OR5I1: variants seen among roughly 807,000 people sequenced by gnomAD.
OR5I1 encodes the protein olfactory receptor 5I1.
For synonymous variants in OR5I1, 163 were observed against 145.5 expected (o/e 1.12, Z -0.87); for missense variants, 425 against 367.6 (o/e 1.16, Z -1.28).
At position 55,935,774 on chromosome 11, in the gene OR5I1, T is replaced by A; in HGVS notation, c.627A>T (p.Glu209Asp). The A allele has an allele frequency of 6.2e-7, 1 of 1,610,224 alleles. No individual in the cohort carries two copies. Among genetic ancestry groups the A allele is most frequent in the East Asian group, 2.2e-5 (1 of 44,550 alleles). ...TGATGATGATGATAAAACAAATGAT[T>A]TCCACTGAGCTGCCGTATGTGGAGA... is the stretch of plus-strand genomic sequence containing the variant. Reference protein sequence around the residue: ...WLLSTYGSSVEIICFIIIIIS... With the variant: ...WLLSTYGSSVDIICFIIIIIS... The change falls in exon 1 of 1, where the codon GAA (glutamate) becomes GAT (aspartate). Residue 209 changes from glutamate to aspartate, a missense_variant. By Grantham distance (45) the Glu-to-Asp change is conservative (BLOSUM62 2). Coordinates refer to ENST00000301532, the MANE Select transcript of OR5I1 (RefSeq NM_006637.1).
rs139670768 is a variant in OR5I1 at position 55,936,112 on chromosome 11, A to G, written c.289T>C (p.Tyr97His). The part of the protein sequence containing the change: ...FLSENKSISY[Y>H]GCALQFYFFC... The stretch of plus-strand genomic sequence containing the variant: ...AAATAAAACTGCAGGGCACACCCAT[A>G]ATAGGAAATAGATTTGTTCTCCGAG... The change falls in exon 1 of 1, where the codon TAT (tyrosine) becomes CAT (histidine). Residue 97 changes from tyrosine to histidine, a missense_variant. Physicochemically the swap from Tyr to His is moderately conservative, Grantham distance 83. Coordinates refer to ENST00000301532, the MANE Select transcript of OR5I1 (RefSeq NM_006637.1). The G allele has an allele frequency of 6.2e-7, 1 of 1,612,106 alleles. No individual in the cohort carries two copies. The highest frequency in any genetic ancestry group is 1.7e-5 in the Admixed American group (1 of 59,732).
chr11:55,935,907 G>T lies in OR5I1; in HGVS notation c.494C>A (p.Ala165Asp), dbSNP rs144496641. 3.2e-5 allele frequency: 52 copies of T among 1,611,832 alleles called. 1 individual carries two copies. In the African/African-American group the frequency reaches 6.0e-4, roughly 19 times the overall value. Residue 165 changes from alanine (A) to aspartate (D), a missense_variant, in exon 1 of 1, where the codon GCC becomes GAC. Ala to Asp is a moderately radical substitution (Grantham distance 126, BLOSUM62 -2). Transcript: ENST00000301532. ...TTTGTCACAATATTTCAGAATAAAG[G>T]CAAAGGATGTGTGAACCAGGGAACT... is the stretch of plus-strand genomic sequence containing the variant. ...NMSSLVHTSF[A>D]FILKYCDKNV...
In OR5I1 at chr11:55,935,554, A is replaced by C. The variant is rs1018599722; in HGVS notation, c.847T>G (p.Phe283Val). ...ATCAACGGATTCAGCACTGGAATGAAAATGGTGTAGAACACTGAGATAATT... is the reference window on the plus strand; with the variant it reads ...ATCAACGGATTCAGCACTGGAATGACAATGGTGTAGAACACTGAGATAATT... Reference protein sequence around the residue: ...DKIISVFYTIFIPVLNPLIYS... With the variant: ...DKIISVFYTIVIPVLNPLIYS... Residue 283 changes from phenylalanine to valine, a missense_variant, in exon 1 of 1, where the codon TTC (phenylalanine) becomes GTC (valine). Physicochemically the swap from Phe to Val is conservative, Grantham distance 50. Transcript: ENST00000301532. 1.2e-6 allele frequency: 2 copies of C among 1,611,200 alleles called. No individual in the cohort carries two copies. Among genetic ancestry groups the C allele is most frequent in the Admixed American group, 3.4e-5 (2 of 59,670 alleles).
rs764291333 is a variant in OR5I1 at position 55,935,817 on chromosome 11, G to T, written c.584C>A (p.Thr195Lys). ...PLLKLSCTDT[T>K]INEWLLSTYG... ...TGTGGAGAGGAGCCACTCATTAATT[G>T]TTGTGTCAGTGCAGGATAGTTTAAG... is the stretch of plus-strand genomic sequence containing the variant. Residue 195 changes from threonine (T) to lysine (K), a missense_variant, in exon 1 of 1, where the codon ACA becomes AAA. Physicochemically the swap from Thr to Lys is moderately conservative, Grantham distance 78. Coordinates refer to ENST00000301532, the MANE Select transcript of OR5I1 (RefSeq NM_006637.1). The T allele has an allele frequency of 6.2e-7, 1 of 1,611,910 alleles. No homozygotes were observed. The highest frequency in any genetic ancestry group is 1.1e-5 in the South Asian group (1 of 91,014).
chr11:55,935,610 G>A lies in OR5I1; in HGVS notation c.791C>T (p.Pro264Leu). Residue 264 changes from proline to leucine, a missense_variant, in exon 1 of 1, where the codon CCC becomes CTC. Pro to Leu is a moderately conservative substitution (Grantham distance 98, BLOSUM62 -3). Transcript: ENST00000301532. Reference protein sequence around the residue: ...QGTLLFIYSRPSYLYSPNTDK... With the variant: ...QGTLLFIYSRLSYLYSPNTDK... The stretch of plus-strand genomic sequence containing the variant: ...AGTGTTTGGAGAATACAGGTAGCTG[G>A]GCCGTGAGTAAATAAAGAGGAGAGT... The A allele has an allele frequency of 1.2e-6, 2 of 1,611,514 alleles. No homozygotes were observed. Among genetic ancestry groups the A allele is most frequent in the Non-Finnish European group, 1.7e-6 (2 of 1,178,710 alleles).
Position 55,935,634 on chromosome 11 carries a change from G to C in OR5I1, c.767C>G (p.Thr256Ser). 3 of 1,611,518 alleles carry C rather than the reference G, an allele frequency of 1.9e-6. No homozygotes were observed. The highest frequency in any genetic ancestry group is 2.7e-5 in the African/African-American group (2 of 74,786). ...HLTSVTIYQGTLLFIYSRPSY... is the reference protein window; with the variant it reads ...HLTSVTIYQGSLLFIYSRPSY... ...GGGCCGTGAGTAAATAAAGAGGAGA[G>C]TCCCTTGGTAGATCGTCACTGAAGT... Residue 256 changes from threonine to serine, a missense_variant, in exon 1 of 1, where the codon ACT becomes AGT. By Grantham distance (58) the Thr-to-Ser change is moderately conservative (BLOSUM62 1). Transcript: ENST00000301532.
In OR5I1 at chr11:55,935,534, CG is replaced by C; in HGVS notation, c.866del (p.Pro289ArgfsTer2). 6.2e-7 allele frequency: 1 copy of C among 1,609,872 alleles called. No individual in the cohort carries two copies. Among genetic ancestry groups the C allele is most frequent in the East Asian group, 2.2e-5 (1 of 44,802 alleles). ...CTTTATTTCTCAAACTATAAATCAA[CG>C]GATTCAGCACTGGAATGAAAATGGT... The part of the protein sequence containing the change: ...FYTIFIPVLN[P>X]LIYSLRNKDV... On this transcript the variant is annotated frameshift_variant, in exon 1 of 1. Coordinates refer to ENST00000301532, the MANE Select transcript of OR5I1 (RefSeq NM_006637.1). LOFTEE classifies it low-confidence loss of function (END_TRUNC).
chr11:55,936,328 G>C lies in OR5I1; in HGVS notation c.73C>G (p.Leu25Val), dbSNP rs1590658762. 6.2e-7 allele frequency: 1 copy of C among 1,609,976 alleles called. No homozygotes were observed. Among genetic ancestry groups the C allele is most frequent in the South Asian group, 1.1e-5 (1 of 90,628 alleles). The change falls in exon 1 of 1, where the codon CTG (leucine) becomes GTG (valine). Residue 25 changes from leucine to valine, a missense_variant. By Grantham distance (32) the Leu-to-Val change is conservative. Transcript: ENST00000301532. ...ILLGFPTRPE[L>V]QIVLFLMFLT... ...AACATGAGGAACAGGACAATCTGCA[G>C]TTCAGGGCGAGTTGGAAAACCTAAT...
In OR5I1 at chr11:55,936,225, G is replaced by A. The variant is rs377001945; in HGVS notation, c.176C>T (p.Thr59Ile). Residue 59 changes from threonine (T) to isoleucine (I), a missense_variant, in exon 1 of 1, where the codon ACC (threonine) becomes ATC (isoleucine). Physicochemically the swap from Thr to Ile is moderately conservative, Grantham distance 89. Transcript: ENST00000301532. ...LLIRIDPHLQ[T>I]PMYFFLSNLS... is the part of the protein sequence containing the mutation. ...GTTGCTAAGGAAAAAATACATGGGG[G>A]TTTGAAGGTGAGGATCAATCCTGAT... 11 of 1,612,166 alleles carry A rather than the reference G, an allele frequency of 6.8e-6. No individual in the cohort carries two copies. The highest frequency in any genetic ancestry group is 8.5e-6 in the Non-Finnish European group (10 of 1,178,888).
Position 55,935,537 on chromosome 11 carries a change from A to T in OR5I1, c.864T>A (p.Asn288Lys). The change falls in exon 1 of 1, where the codon AAT (asparagine) becomes AAA (lysine). Residue 288 changes from asparagine (N) to lysine (K), a missense_variant. By Grantham distance (94) the Asn-to-Lys change is moderately conservative. Coordinates refer to ENST00000301532, the MANE Select transcript of OR5I1 (RefSeq NM_006637.1). ...VFYTIFIPVL[N>K]PLIYSLRNKD... is the part of the protein sequence containing the mutation. ...TATTTCTCAAACTATAAATCAACGGATTCAGCACTGGAATGAAAATGGTGT... is the reference window on the plus strand; with the variant it reads ...TATTTCTCAAACTATAAATCAACGGTTTCAGCACTGGAATGAAAATGGTGT... 1 of 1,611,060 alleles carries T rather than the reference A, an allele frequency of 6.2e-7. No homozygotes were observed. The highest frequency in any genetic ancestry group is 2.2e-5 in the East Asian group (1 of 44,802).
chr11:55,936,263 T>C lies in OR5I1; in HGVS notation c.138A>G (p.Gly46=). The C allele has an allele frequency of 1.2e-6, 2 of 1,611,978 alleles. No individual in the cohort carries two copies. The highest frequency in any genetic ancestry group is 1.7e-6 in the Non-Finnish European group (2 of 1,178,796). ...LYAIILIGNI[G]LMLLIRIDPH... is the part of the protein sequence containing the mutation. Reference sequence around the variant, plus strand: ...GATCAATCCTGATCAACAGCATCAATCCAATGTTCCCTATCAGAATTATAG... The same window carrying C: ...GATCAATCCTGATCAACAGCATCAACCCAATGTTCCCTATCAGAATTATAG... The change falls in exon 1 of 1, where the codon GGA becomes GGG. Residue 46 remains glycine (G), a synonymous_variant. Transcript: ENST00000301532.
rs904780911 is a variant in OR5I1 at position 55,935,645 on chromosome 11, G to C, written c.756C>G (p.Ile252Met). Residue 252 changes from isoleucine (I) to methionine (M), a missense_variant, in exon 1 of 1, where the codon ATC becomes ATG. Transcript: ENST00000301532. ...TCASHLTSVT[I>M]YQGTLLFIYS... is the part of the protein sequence containing the mutation. ...AAATAAAGAGGAGAGTCCCTTGGTA[G>C]ATCGTCACTGAAGTCAGGTGAGAGG... 6.2e-7 allele frequency: 1 copy of C among 1,611,114 alleles called. No homozygotes were observed. Among genetic ancestry groups the C allele is most frequent in the African/African-American group, 1.3e-5 (1 of 74,614 alleles).
rs1855162678 is a variant in OR5I1 at position 55,936,107 on chromosome 11, C to G, written c.294G>C (p.Gly98=). Residue 98 remains glycine, a synonymous_variant, in exon 1 of 1, where the codon GGG becomes GGC. Transcript: ENST00000301532. ...LSENKSISYY[G]CALQFYFFCT... is the part of the protein sequence containing the mutation. ...AGAAAAAATAAAACTGCAGGGCACA[C>G]CCATAATAGGAAATAGATTTGTTCT... The G allele has an allele frequency of 6.2e-7, 1 of 1,611,972 alleles. No homozygotes were observed. Among genetic ancestry groups the G allele is most frequent in the Non-Finnish European group, 8.5e-7 (1 of 1,178,940 alleles).
At position 55,935,707 on chromosome 11, in the gene OR5I1, A is replaced by G. The variant is rs1855156380; in HGVS notation, c.694T>C (p.Ser232Pro). The change falls in exon 1 of 1, where the codon TCT (serine) becomes CCT (proline). Residue 232 changes from serine (S) to proline (P), a missense_variant. Ser to Pro is a moderately conservative substitution (Grantham distance 74). Transcript: ENST00000301532. ...FILLSVLKIR[S>P]FSGRKKTFST... ...AAGGTCTTCTTCCTCCCACTGAAAG[A>G]GCGGATCTTTAAGACTGAGAGAAGA... is the stretch of plus-strand genomic sequence containing the variant. 1 of 1,609,594 alleles carries G rather than the reference A, an allele frequency of 6.2e-7. No individual in the cohort carries two copies. Among genetic ancestry groups the G allele is most frequent in the South Asian group, 1.1e-5 (1 of 90,738 alleles).
chr11:55,935,805 C>T lies in OR5I1; in HGVS notation c.596G>A (p.Trp199Ter), dbSNP rs1345164675. ...TGAGCTGCCGTATGTGGAGAGGAGC[C>T]ACTCATTAATTGTTGTGTCAGTGCA... ...LSCTDTTINE[W>*]LLSTYGSSVE... Residue 199 changes from tryptophan to a stop codon, truncating the protein, a stop_gained, in exon 1 of 1, where the codon TGG (tryptophan) becomes TAG (stop). Transcript: ENST00000301532. LOFTEE classifies it low-confidence loss of function (END_TRUNC). 2.5e-6 allele frequency: 4 copies of T among 1,611,546 alleles called. No individual in the cohort carries two copies. The highest frequency in any genetic ancestry group is 3.4e-6 in the Non-Finnish European group (4 of 1,178,788).
rs1459133595 is a variant in OR5I1 at position 55,936,375 on chromosome 11, G to T, written c.26C>A (p.Thr9Lys). ...TAATAGAATAAACTCAGTGACCAAC[G>T]TGTAGTTTCTATCTGTAAATTCCAT... MEFTDRNY[T>K]LVTEFILLGF... Residue 9 changes from threonine (T) to lysine (K), a missense_variant, in exon 1 of 1, where the codon ACG (threonine) becomes AAG (lysine). Coordinates refer to ENST00000301532, the MANE Select transcript of OR5I1 (RefSeq NM_006637.1). The T allele has an allele frequency of 1.3e-6, 2 of 1,578,992 alleles. No homozygotes were observed. The highest frequency in any genetic ancestry group is 2.3e-5 in the South Asian group (2 of 85,608).
In OR5I1 at chr11:55,936,357, A is replaced by T; in HGVS notation, c.44T>A (p.Ile15Asn). 1 of 1,600,008 alleles carries T rather than the reference A, an allele frequency of 6.2e-7. No homozygotes were observed. The highest frequency in any genetic ancestry group is 1.1e-5 in the South Asian group (1 of 88,700). Residue 15 changes from isoleucine to asparagine, a missense_variant, in exon 1 of 1, where the codon ATT (isoleucine) becomes AAT (asparagine). By Grantham distance (149) the Ile-to-Asn change is moderately radical. Coordinates refer to ENST00000301532, the MANE Select transcript of OR5I1 (RefSeq NM_006637.1). Reference sequence around the variant, plus strand: ...AGGGCGAGTTGGAAAACCTAATAGAATAAACTCAGTGACCAACGTGTAGTT... The same window carrying T: ...AGGGCGAGTTGGAAAACCTAATAGATTAAACTCAGTGACCAACGTGTAGTT... ...DRNYTLVTEF[I>N]LLGFPTRPEL... is the part of the protein sequence containing the mutation.
In OR5I1 at chr11:55,936,262, A is replaced by G. The variant is rs1855164893; in HGVS notation, c.139T>C (p.Leu47=). The G allele has an allele frequency of 5.0e-6, 8 of 1,612,040 alleles. No individual in the cohort carries two copies. The highest frequency in any genetic ancestry group is 6.8e-6 in the Non-Finnish European group (8 of 1,178,828). Residue 47 remains leucine (L), a synonymous_variant, in exon 1 of 1, where the codon TTG becomes CTG. Transcript: ENST00000301532. ...GGATCAATCCTGATCAACAGCATCA[A>G]TCCAATGTTCCCTATCAGAATTATA... ...YAIILIGNIG[L]MLLIRIDPHL...
rs1409381573 is a variant in OR5I1, at chr11:55,936,387, T to C, written c.14A>G (p.Asp5Gly). Reference protein sequence around the residue: MEFTDRNYTLVTEFI... With the variant: MEFTGRNYTLVTEFI... ...CTCAGTGACCAACGTGTAGTTTCTA[T>C]CTGTAAATTCCATCTTCTGTGTTGT... Residue 5 changes from aspartate (D) to glycine (G), a missense_variant, in exon 1 of 1, where the codon GAT (aspartate) becomes GGT (glycine). Asp to Gly is a moderately conservative substitution (Grantham distance 94). Coordinates refer to ENST00000301532, the MANE Select transcript of OR5I1 (RefSeq NM_006637.1). 6.4e-7 allele frequency: 1 copy of C among 1,555,798 alleles called. No homozygotes were observed. Among genetic ancestry groups the C allele is most frequent in the Non-Finnish European group, 8.7e-7 (1 of 1,147,940 alleles).
Sources: gnomAD v4.1 joint callset for allele counts on GRCh38, gnomAD v4.1.1 for gene constraint, MANE v1.5 for transcripts, NCBI Gene and HGNC (gene_info 2026-07-23, HGNC 2026-07-21) for gene names.